Variants in WASHC4 observed in about 807,000 individuals in gnomAD.
The protein encoded by WASHC4 is WASH complex subunit 7.
Under a neutral mutation model 166.6 loss-of-function variants are expected in WASHC4, and 86 were observed. That is an observed-to-expected ratio of 0.52 (90% confidence interval 0.43 to 0.62). The LOEUF is 0.62. WASHC4 is among the 20% of genes least tolerant of loss of function. The pLI is 0.00. For missense variants in WASHC4, 1,262 were observed against 1,382.4 expected, an observed-to-expected ratio of 0.91 and a Z score of 1.38; for synonymous variants, 446 against 451.6, an observed-to-expected ratio of 0.99 and a Z score of 0.16.
rs1013750454 is a variant in WASHC4, at chr12:105,164,548, A to G, written c.3355-93A>G. 1.5e-4 allele frequency: 117 copies of G among 758,144 alleles called. No homozygotes were observed. The Middle Eastern group carries it at 3.1e-3, about 20-fold the overall frequency. The allele number at this position is 758,144 out of a possible 1,614,324, so 47.0% of individuals were successfully genotyped here. A position where few individuals can be genotyped will look rare whatever the true frequency, so the allele number is the denominator to read the frequency against. On this transcript the variant is annotated intron_variant, in intron 31 of 32. Coordinates refer to ENST00000332180, the MANE Select transcript of WASHC4 (RefSeq NM_015275.3). ...ATGATTTCCACTAGAGCTTTTAAAA[A>G]TAATAATAAGAGGCATAAAAATGCA... is the stretch of plus-strand genomic sequence containing the variant.
At chr12:105,152,312 A>G in intron 25 of WASHC4, 31 bp from the exon 26 acceptor site, 1 of 1,109,108 alleles carries the variant, frequency 9.0e-7, no homozygotes, top group Non-Finnish European at 1.4e-6. Context: ...AGAAATCTTT[A>G]TTAAAAGTAG....
chr12:105,119,235 A>G (rs1880486485), intron 7 of WASHC4, among the ~76,000 whole-genome samples: 1 of 152,176 alleles, frequency 6.6e-6, no homozygotes, highest in Non-Finnish European at 1.5e-5. Context: ...CTGCTGGACC[A>G]TTACCCTAAA....
At chr12:105,139,229 C>G (rs1161016739) in intron 15 of WASHC4, among the ~76,000 whole-genome samples, 1 of 151,636 alleles carries the variant, frequency 6.6e-6, no homozygotes. Context: ...AGTGGATAGA[C>G]TTCGGGTTGT....
chr12:105,162,311 A>G (rs953307824), intron 29 of WASHC4, among the ~76,000 whole-genome samples: 7 of 152,236 alleles, frequency 4.6e-5, no homozygotes, highest in Non-Finnish European at 8.8e-5. Context: ...GTAAGTAAGG[A>G]CTGTCTTGCA....
At chr12:105,166,720 T>G in intron 32 of WASHC4, 144 bp from the exon 33 acceptor site, 1 of 661,384 alleles carries the variant, frequency 1.5e-6, no homozygotes, top group Non-Finnish European at 2.7e-6. Flanking sequence ...CAAGGTATAA[T>G]TTGTGATGTT....
In WASHC4 at chr12:105,126,089, G is replaced by A; in HGVS notation, c.872G>A (p.Ser291Asn). ...ACTTTTGCTGAGGAATTTGCACATAGTATTCGGTCAATTTTTGCAAATGTA... is the reference window on the plus strand; with the variant it reads ...ACTTTTGCTGAGGAATTTGCACATAATATTCGGTCAATTTTTGCAAATGTA... ...NSTFAEEFAHSIRSIFANVEA... is the reference protein window; with the variant it reads ...NSTFAEEFAHNIRSIFANVEA... The change falls in exon 11 of 33, where the codon AGT becomes AAT. Residue 291 changes from serine to asparagine, a missense_variant. Physicochemically the swap from Ser to Asn is conservative, Grantham distance 46 (BLOSUM62 1). Transcript: ENST00000332180. 6.2e-7 allele frequency: 1 copy of A among 1,612,990 alleles called. No homozygotes were observed. Among genetic ancestry groups the A allele is most frequent in the Non-Finnish European group, 8.5e-7 (1 of 1,179,322 alleles).
At chr12:105,138,654 T>C (rs1882529217) in intron 15 of WASHC4, among the ~76,000 whole-genome samples, 1 of 152,174 alleles carries the variant, frequency 6.6e-6, no homozygotes, top group Non-Finnish European at 1.5e-5. Flanking sequence ...GTAAATTTTC[T>C]CCTAATAATT....
intron 24 of WASHC4, chr12:105,148,701 T>C: frequency 5.1e-6 from 5 of 985,226 alleles, no homozygotes; most frequent in Non-Finnish European, 6.0e-6. Context: ...CATAATTGGG[T>C]AAATGAATAC....
intron 29 of WASHC4, 32 bp downstream of exon 29, chr12:105,160,180 T>A (rs1394522338): frequency 1.9e-6 from 3 of 1,592,934 alleles, no homozygotes; most frequent in African/African-American, 1.3e-5. Context: ...AATGAATTTT[T>A]TTTTTAAAAA....
chr12:105,151,498 T>C (rs1323277578), intron 25 of WASHC4, among the ~76,000 whole-genome samples: 2 of 152,134 alleles, frequency 1.3e-5, no homozygotes, highest in Non-Finnish European at 2.9e-5. Context: ...TTTTTTTTTT[T>C]TGAGACTGAG....
Position 105,167,013 on chromosome 12 carries a change from G to C in WASHC4, c.*82G>C. 2 of 911,284 alleles carry C rather than the reference G, an allele frequency of 2.2e-6. No homozygotes were observed. Among genetic ancestry groups the C allele is most frequent in the Non-Finnish European group, 3.6e-6 (2 of 552,414 alleles). The allele number at this position is 911,284 out of a possible 1,614,324, so 56.4% of individuals were successfully genotyped here. A position where few individuals can be genotyped will look rare whatever the true frequency, so the allele number is the denominator to read the frequency against. On this transcript the variant is annotated 3_prime_UTR_variant, in exon 33 of 33. Coordinates refer to ENST00000332180, the MANE Select transcript of WASHC4 (RefSeq NM_015275.3). ...CCAGTGGAATGGATAAACTATTGAT[G>C]AATTGTTTCCTGGGTCACATCTCTG...
At chr12:105,136,966 A>G (rs930245798) in intron 14 of WASHC4, among the ~76,000 whole-genome samples, 6 of 152,076 alleles carry the variant, frequency 3.9e-5, no homozygotes, top group African/African-American at 1.4e-4. Flanking sequence ...ATGTGGTGGG[A>G]CAGGAGCAAA....
At position 105,168,413 on chromosome 12, in the gene WASHC4, A is replaced by C. The variant is rs540958202; in HGVS notation, c.*1482A>C. 2 of 151,716 alleles carry C rather than the reference A, an allele frequency of 1.3e-5. No individual in the cohort carries two copies. Among genetic ancestry groups the C allele is most frequent in the Non-Finnish European group, 3.0e-5 (2 of 67,716 alleles). 9.4% of individuals were successfully genotyped at this position (151,716 alleles called of 1,614,324 possible). ...AAATGGCCCTAAAGCATGCTGCATA[A>C]TTAATAATTTATATTTTCATTATTA... On this transcript the variant is annotated 3_prime_UTR_variant, in exon 33 of 33. Transcript: ENST00000332180.
chr12:105,130,434 T>C (rs1294870504), intron 13 of WASHC4, among the ~76,000 whole-genome samples: 1 of 152,246 alleles, frequency 6.6e-6, no homozygotes, highest in Non-Finnish European at 1.5e-5. Flanking sequence ...CAAAGACTTA[T>C]CACATGATGA....
intron 6 of WASHC4, among the ~76,000 whole-genome samples, chr12:105,116,874 G>T (rs2135729386): frequency 6.6e-6 from 1 of 152,274 alleles, no homozygotes; most frequent in South Asian, 2.1e-4. Flanking sequence ...GATAAAGATT[G>T]GGATTGCCAG....
intron 26 of WASHC4, among the ~76,000 whole-genome samples, chr12:105,154,668 T>C (rs1884009954): frequency 6.6e-6 from 1 of 152,230 alleles, no homozygotes; most frequent in Non-Finnish European, 1.5e-5. Flanking sequence ...TTATTGAGCT[T>C]AATTTACCAG....
chr12:105,148,142 G>T, intron 24 of WASHC4: 1 of 985,166 alleles, frequency 1.0e-6, no homozygotes, highest in Non-Finnish European at 1.2e-6. Flanking sequence ...GATCATTTAA[G>T]TATACAGTGG....
Position 105,126,021 on chromosome 12 carries a change from A to G in WASHC4, c.804A>G (p.Gln268=), listed in dbSNP as rs551233397. 8.7e-6 allele frequency: 14 copies of G among 1,612,644 alleles called. No homozygotes were observed. Among genetic ancestry groups the G allele is most frequent in the African/African-American group, 4.0e-5 (3 of 75,022 alleles). Residue 268 remains glutamine, a synonymous_variant, in exon 11 of 33, where the codon CAA becomes CAG. Transcript: ENST00000332180. ...GMIFQACIEQ[Q]FDSLNGGVSV... is the part of the protein sequence containing the mutation. ...CTGTCTAGGCCTGTATAGAACAACA[A>G]TTTGATTCTCTCAATGGAGGAGTAT...
In WASHC4 at chr12:105,118,478, AGTG is replaced by A. The variant is rs1379034608; in HGVS notation, c.472_474del (p.Val158del). The stretch of plus-strand genomic sequence containing the variant: ...CTTGCTTTGTTACGAGGTGCTATGA[AGTG>A]GTGATGAACGTAGTCCACCAGTTGG... On this transcript the variant is annotated inframe_deletion, in exon 7 of 33. Coordinates refer to ENST00000332180, the MANE Select transcript of WASHC4 (RefSeq NM_015275.3). 2 of 1,613,644 alleles carry A rather than the reference AGTG, an allele frequency of 1.2e-6. No homozygotes were observed. The highest frequency in any genetic ancestry group is 1.7e-6 in the Non-Finnish European group (2 of 1,179,538).
Sources: gnomAD v4.1 joint callset for allele counts (sites outside exome capture counted in the v4.1 genomes callset) on GRCh38, gnomAD v4.1.1 for gene constraint, MANE v1.5 for transcripts, NCBI Gene and HGNC (gene_info 2026-07-23, HGNC 2026-07-21) for gene names.